The following RFLNA variants were observed in gnomAD, a reference collection of about 807,000 sequenced individuals.
The protein encoded by RFLNA is refilin-A.
RFLNA carries 5 observed loss-of-function variants against 7.8 expected under a neutral mutation model. That is an observed-to-expected ratio of 0.64 (90% CI 0.34 to 1.35). RFLNA has a LOEUF of 1.35. RFLNA is among the 40% of genes most tolerant of loss of function. The probability of loss-of-function intolerance (pLI) is 0.04; values close to 1 mark genes in which losing one functional copy is unlikely to be tolerated. For missense variants in RFLNA, 278 were observed against 305.5 expected (o/e 0.91, Z 0.67); for synonymous variants, 141 against 131.3 (o/e 1.07, Z -0.50).
intron 1 of RFLNA, among the ~76,000 whole-genome samples, chr12:124,308,803 G>A (rs1482004929): frequency 1.3e-5 from 2 of 152,246 alleles, no homozygotes; most frequent in African/African-American, 4.8e-5. Context: ...CACACAGCAG[G>A]CAGTGGTCAT....
At chr12:124,290,194 T>C (rs899389762), upstream of RFLNA, among the ~76,000 whole-genome samples, 29 of 152,200 alleles carry the variant, frequency 1.9e-4, no homozygotes, top group Non-Finnish European at 3.7e-4. This position sits in a 1 kb window ranked among gnomAD's most constrained non-coding sequence, Gnocchi z 4.0. Flanking sequence ...TTTCTTCTTC[T>C]CAAAAGTGTA....
chr12:124,310,232 G>A (rs913881262), intron 1 of RFLNA, among the ~76,000 whole-genome samples: 1 of 139,178 alleles, frequency 7.2e-6, no homozygotes, highest in Non-Finnish European at 1.5e-5. Flanking sequence ...CCTGCCCTGA[G>A]TGAAATCTCT....
chr12:124,313,056 G>A lies in RFLNA; in HGVS notation c.317+1129G>A, dbSNP rs759343548. Among the ~76,000 whole-genome samples the A allele has an allele frequency of 2.4e-4, 37 of 152,158 alleles. 1 individual carries two copies. Among genetic ancestry groups the A allele is most frequent in the Admixed American group, 1.3e-4 (2 of 15,280 alleles). On this transcript the variant is annotated intron_variant, in intron 2 of 2. Coordinates refer to ENST00000546355, the MANE Select transcript of RFLNA (RefSeq NM_001365156.1). Reference sequence around the variant, plus strand: ...CAGGCAATGGTCCCAGGAGACAAACGAGTCCACTTCTAAATTATTTTTCAA... The same window carrying A: ...CAGGCAATGGTCCCAGGAGACAAACAAGTCCACTTCTAAATTATTTTTCAA...
chr12:124,302,204 C>T (rs1378999037), intron 1 of RFLNA, among the ~76,000 whole-genome samples: 1 of 152,188 alleles, frequency 6.6e-6, no homozygotes, highest in East Asian at 1.9e-4. Flanking sequence ...GTGACAGTTG[C>T]AGGTACCAGG....
upstream of RFLNA, among the ~76,000 whole-genome samples, chr12:124,290,451 T>C (rs75445854): frequency 1.7e-4 from 26 of 152,170 alleles, no homozygotes; most frequent in Non-Finnish European, 3.2e-4. The surrounding 1 kb of genome is among the most constrained non-coding windows in gnomAD (Gnocchi z 4.0). Flanking sequence ...TGTATGTGTA[T>C]ATATGTATTT....
intron 1 of RFLNA, among the ~76,000 whole-genome samples, chr12:124,296,422 A>G (rs2033930626): frequency 6.6e-6 from 1 of 151,248 alleles, no homozygotes; most frequent in South Asian, 2.1e-4. Flanking sequence ...GGGGAAGCAT[A>G]TGGGCCGAGC....
chr12:124,309,908 C>T (rs1444209272), intron 1 of RFLNA, among the ~76,000 whole-genome samples: 1 of 152,160 alleles, frequency 6.6e-6, no homozygotes, highest in Non-Finnish European at 1.5e-5. Context: ...GTGGCTCACG[C>T]CTGCAGTTCC....
chr12:124,306,420 G>A lies in RFLNA; in HGVS notation c.208-5398G>A, dbSNP rs2034138716. Among the ~76,000 whole-genome samples the A allele has an allele frequency of 6.6e-6, 1 of 152,136 alleles. No individual in the cohort carries two copies. Among genetic ancestry groups the A allele is most frequent in the Admixed American group, 6.5e-5 (1 of 15,278 alleles). ...AGCCTCGGGTCACAGACAAGGGGCC[G>A]AGACAGGAACAGGCAGAGGCCCGAG... On this transcript the variant is annotated intron_variant, in intron 1 of 2. Coordinates refer to ENST00000546355, the MANE Select transcript of RFLNA (RefSeq NM_001365156.1). This position sits in a 1 kb window ranked among gnomAD's most constrained non-coding sequence, Gnocchi z 5.2.
chr12:124,290,160 G>A (rs557479414), upstream of RFLNA, among the ~76,000 whole-genome samples: 2 of 152,180 alleles, frequency 1.3e-5, no homozygotes, highest in Admixed American at 6.5e-5. The surrounding 1 kb of genome is among the most constrained non-coding windows in gnomAD (Gnocchi z 4.0). Flanking sequence ...CAAAGATTTC[G>A]CTGACACCGC....
At chr12:124,303,406 C>T (rs2034081090) in intron 1 of RFLNA, among the ~76,000 whole-genome samples, 1 of 152,208 alleles carries the variant, frequency 6.6e-6, no homozygotes, top group East Asian at 1.9e-4. Context: ...ACCCAACACC[C>T]TCCAGGGCCC....
chr12:124,307,771 T>G (rs750931433), intron 1 of RFLNA, among the ~76,000 whole-genome samples: 11 of 152,130 alleles, frequency 7.2e-5, no homozygotes, highest in Non-Finnish European at 1.5e-4. Flanking sequence ...TGCCACAAAC[T>G]GGGTGGCCTG....
In RFLNA at chr12:124,314,460, G is replaced by A. The variant is rs1477273353; in HGVS notation, c.586G>A (p.Ala196Thr). 2.3e-5 allele frequency: 37 copies of A among 1,600,080 alleles called. No individual in the cohort carries two copies. The highest frequency in any genetic ancestry group is 1.6e-4 in the Middle Eastern group (1 of 6,082). Reference sequence around the variant, plus strand: ...GGGCCGGCCCAGCCGCTGGTTCACCGCCAGCGTGCAGCTGCAGCTTTGCCA... The same window carrying A: ...GGGCCGGCCCAGCCGCTGGTTCACCACCAGCGTGCAGCTGCAGCTTTGCCA... Reference protein sequence around the residue: ...SLGRPSRWFTASVQLQLCQDP... With the variant: ...SLGRPSRWFTTSVQLQLCQDP... The change falls in exon 3 of 3, where the codon GCC (alanine) becomes ACC (threonine). Residue 196 changes from alanine to threonine, a missense_variant. Transcript: ENST00000546355.
At chr12:124,300,945 AGGAT>A (rs1436784552) in intron 1 of RFLNA, among the ~76,000 whole-genome samples, 1 of 137,964 alleles carries the variant, frequency 7.2e-6, no homozygotes, top group African/African-American at 2.7e-5. Context: ...GATGGATGGA[AGGAT>A]GGATGGATTG....
In RFLNA at chr12:124,315,111, G is replaced by T; in HGVS notation, c.*586G>T. 1.1e-5 allele frequency: 2 copies of T among 183,972 alleles called. No individual in the cohort carries two copies. The highest frequency in any genetic ancestry group is 2.3e-5 in the Non-Finnish European group (2 of 87,190). The allele number at this position is 183,972 out of a possible 1,614,324, so 11.4% of individuals were successfully genotyped here. A position where few individuals can be genotyped will look rare whatever the true frequency, so the allele number is the denominator to read the frequency against. On this transcript the variant is annotated 3_prime_UTR_variant, in exon 3 of 3. Transcript: ENST00000546355. ...CCACCTCTGGCGGATGTTGAGCCAG[G>T]AGGTTGGGCAAAGGCCGGATGCTGA... is the stretch of plus-strand genomic sequence containing the variant.
intron 2 of RFLNA, among the ~76,000 whole-genome samples, chr12:124,313,960 G>A (rs1442800852): frequency 6.6e-6 from 1 of 152,146 alleles, no homozygotes; most frequent in Non-Finnish European, 1.5e-5. Context: ...CCCAGTTCAG[G>A]ATCCAGTCAG....
At position 124,302,813 on chromosome 12, in the gene RFLNA, G is replaced by GGGGCCGAGGTTAGGGGCCGAGGTCAGA. The variant is rs2034064975; in HGVS notation, c.207+7187_207+7188insTAGGGGCCGAGGTCAGAGGGCCGAGGT. On this transcript the variant is annotated intron_variant, in intron 1 of 2. Coordinates refer to ENST00000546355, the MANE Select transcript of RFLNA (RefSeq NM_001365156.1). ...GGGCCGAGGTCAGGGGCTGAGGTCA[G>GGGGCCGAGGTTAGGGGCCGAGGTCAGA]GGGCCGAGGTCAGGGGCCGAGGTCA... Among the ~76,000 whole-genome samples, 3 of 68,336 alleles carry GGGGCCGAGGTTAGGGGCCGAGGTCAGA rather than the reference G, an allele frequency of 4.4e-5. 1 individual carries two copies. The highest frequency in any genetic ancestry group is 1.0e-4 in the Non-Finnish European group (3 of 28,844). The allele number at this position is 68,336 out of a possible 152,430, so 44.8% of individuals were successfully genotyped here.
At chr12:124,298,726 G>A (rs1055236564) in intron 1 of RFLNA, among the ~76,000 whole-genome samples, 1 of 152,246 alleles carries the variant, frequency 6.6e-6, no homozygotes, top group South Asian at 2.1e-4. Flanking sequence ...TGTCCTTAAG[G>A]CCAGAAGCTG....
upstream of RFLNA, among the ~76,000 whole-genome samples, chr12:124,293,802 C>T (rs1263588945): frequency 6.6e-6 from 1 of 152,196 alleles, no homozygotes; most frequent in East Asian, 1.9e-4. Context: ...CCTGCTGCTG[C>T]AGGGCCTGCG....
intron 1 of RFLNA, among the ~76,000 whole-genome samples, chr12:124,310,668 G>A (rs2034228645): frequency 6.6e-6 from 1 of 152,098 alleles, no homozygotes; most frequent in Non-Finnish European, 1.5e-5. Context: ...ACCGGGCAGG[G>A]GCATGCCCCT....
Sources: allele counts gnomAD v4.1 joint callset (sites outside exome capture counted in the v4.1 genomes callset), GRCh38; gene constraint gnomAD v4.1.1; non-coding constraint Gnocchi (gnomAD v3.1); transcripts MANE v1.5; gene names NCBI Gene and HGNC (gene_info 2026-07-23, HGNC 2026-07-21).